Variants in CCDC7 observed in about 807,000 individuals in gnomAD.
CCDC7 encodes coiled-coil domain containing 7.
CCDC7 carries 183 observed loss-of-function variants against 196.9 expected under a neutral mutation model. That is an observed-to-expected ratio of 0.93 (90% CI 0.82 to 1.05). The LOEUF is 1.05. Ranked by LOEUF, CCDC7 falls within the 50% of genes least tolerant of loss-of-function variation. The pLI, the probability that CCDC7 is intolerant of heterozygous loss-of-function variation, is 0.00. For missense variants in CCDC7, 1,540 were observed against 1,482.2 expected, an observed-to-expected ratio of 1.04 and a Z score of -0.64; for synonymous variants, 525 against 484.6, an observed-to-expected ratio of 1.08 and a Z score of -1.10.
chr10:32,699,515 C>T (rs1469542864), intron 24 of CCDC7, among the ~76,000 whole-genome samples: 2 of 148,674 alleles, frequency 1.3e-5, no homozygotes, highest in Admixed American at 1.3e-4. Context: ...AATAAACATA[C>T]GTGTGCATGT....
At chr10:32,865,279 A>G (rs961842119) in intron 41 of CCDC7, among the ~76,000 whole-genome samples, 1 of 151,714 alleles carries the variant, frequency 6.6e-6, no homozygotes, top group Non-Finnish European at 1.5e-5. Flanking sequence ...ATTTTTTCTA[A>G]AAGCAGATAC....
chr10:32,754,049 A>G (rs574916445), intron 28 of CCDC7, among the ~76,000 whole-genome samples: 17 of 152,176 alleles, frequency 1.1e-4, no homozygotes, highest in African/African-American at 3.9e-4. Context: ...TAAAATTCCT[A>G]TTGCTGCTAA....
intron 14 of CCDC7, among the ~76,000 whole-genome samples, chr10:32,567,052 A>AAT (rs1469025195): frequency 6.9e-6 from 1 of 145,792 alleles, no homozygotes; most frequent in East Asian, 1.9e-4. Flanking sequence ...ATATATATAT[A>AAT]ATATATATAG....
chr10:32,739,279 A>G (rs1417695701), intron 28 of CCDC7, among the ~76,000 whole-genome samples: 2 of 150,076 alleles, frequency 1.3e-5, no homozygotes, highest in African/African-American at 4.9e-5. Context: ...TACGTATTAT[A>G]CCTTTTGTAA....
intron 11 of CCDC7, among the ~76,000 whole-genome samples, chr10:32,528,650 G>GTC (rs1554824534): frequency 3.0e-5 from 4 of 133,296 alleles, no homozygotes; most frequent in South Asian, 2.3e-4. Flanking sequence ...GTGTGTGTGT[G>GTC]TATATATATA....
At chr10:32,755,619 C>G (rs2076306635) in intron 28 of CCDC7, among the ~76,000 whole-genome samples, 2 of 152,076 alleles carry the variant, frequency 1.3e-5, no homozygotes, top group Non-Finnish European at 2.9e-5. Context: ...CATCAAAGAC[C>G]AAAGTTAGAT....
intron 20 of CCDC7, among the ~76,000 whole-genome samples, chr10:32,643,865 AAATTAATTTTCAAAATTATTTTGAAAATT>A (rs1415088678): frequency 1.8e-4 from 27 of 149,150 alleles, no homozygotes; most frequent in African/African-American, 6.9e-4. Context: ...ATTATTTTGA[AAATTAATTTTCAAAATTATTTTGAAAATT>A]AATTGGTCTT....
intron 11 of CCDC7, among the ~76,000 whole-genome samples, chr10:32,535,099 C>T (rs113427957): frequency 5.4e-4 from 81 of 150,816 alleles, no homozygotes; most frequent in African/African-American, 1.5e-3. Context: ...ACCATCTGCC[C>T]GGAGTTTTTT....
intron 9 of CCDC7, among the ~76,000 whole-genome samples, chr10:32,504,210 C>T (rs1326457196): frequency 6.6e-6 from 1 of 150,638 alleles, no homozygotes; most frequent in Non-Finnish European, 1.5e-5. Flanking sequence ...CTCTGCCTCC[C>T]AGGTCATGCC....
exon 13 of CCDC7, chr10:32,544,252 T>A: frequency 6.2e-7 from 1 of 1,603,490 alleles, no homozygotes; most frequent in Non-Finnish European, 8.5e-7. Flanking sequence ...TACAGGAAGA[T>A]GTCTCCAGAA....
intron 5 of CCDC7, among the ~76,000 whole-genome samples, chr10:32,469,388 C>G (rs1021435531): frequency 6.6e-6 from 1 of 152,204 alleles, no homozygotes; most frequent in Non-Finnish European, 1.5e-5. Flanking sequence ...CTCCCAGCAA[C>G]GCAGGGCTAA....
intron 28 of CCDC7, among the ~76,000 whole-genome samples, chr10:32,743,853 C>G (rs1171165791): frequency 2.0e-5 from 3 of 151,852 alleles, no homozygotes; most frequent in Non-Finnish European, 4.4e-5. Context: ...ATGGATGAAG[C>G]TGGAAACCAT....
At chr10:32,543,305 T>C in exon 12 of CCDC7, 1 of 1,434,642 alleles carries the variant, frequency 7.0e-7, no homozygotes, top group Non-Finnish European at 9.3e-7. Context: ...TACAGAAAAC[T>C]AAGCCTACAA....
At chr10:32,452,368 C>T (rs1462869084) in intron 1 of CCDC7, among the ~76,000 whole-genome samples, 1 of 152,212 alleles carries the variant, frequency 6.6e-6, no homozygotes, top group Non-Finnish European at 1.5e-5. Context: ...AATCCAGGAT[C>T]TCAGATGCCA....
chr10:32,695,023 A>T, intron 24 of CCDC7, 31 bp downstream of exon 25: 2 of 1,212,222 alleles, frequency 1.6e-6, no homozygotes, highest in Non-Finnish European at 2.3e-6. Flanking sequence ...TAACTTAAAA[A>T]TTTTAAAGTT....
chr10:32,585,711 T>G (rs35538955), intron 18 of CCDC7, among the ~76,000 whole-genome samples: 52,214 of 152,142 alleles, frequency 0.34, 11,426 homozygotes, highest in Non-Finnish European at 0.5. Flanking sequence ...GAACTCATCC[T>G]TTTTATGGCT....
intron 21 of CCDC7, among the ~76,000 whole-genome samples, chr10:32,666,126 T>C (rs1013321033): frequency 1.1e-4 from 17 of 150,794 alleles, no homozygotes; most frequent in Non-Finnish European, 2.1e-4. Context: ...TTTTCTTTTT[T>C]TTTTTTTTTT....
intron 8 of CCDC7, among the ~76,000 whole-genome samples, chr10:32,491,168 T>G (rs1486494453): frequency 6.6e-6 from 1 of 152,208 alleles, no homozygotes. Context: ...ATATTTATTA[T>G]TCTTCTATAC....
chr10:32,612,495 C>T (rs1312583726), intron 18 of CCDC7, among the ~76,000 whole-genome samples: 1 of 152,118 alleles, frequency 6.6e-6, no homozygotes, highest in African/African-American at 2.4e-5. Context: ...TTGTCTCGTG[C>T]TGGTTTTCAA....
Sources: gnomAD v4.1 joint callset for allele counts (sites outside exome capture counted in the v4.1 genomes callset) on GRCh38, gnomAD v4.1.1 for gene constraint, MANE v1.5 for transcripts, NCBI Gene and HGNC (gene_info 2026-07-23, HGNC 2026-07-21) for gene names.